ESRRG: variants seen among roughly 807,000 people sequenced by gnomAD.
ESRRG encodes the protein estrogen-related receptor gamma.
A neutral mutation model predicts 44.0 loss-of-function variants in ESRRG; 13 were observed. The observed-to-expected ratio is 0.30, with a 90% CI of 0.19 to 0.47. The LOEUF (loss-of-function observed/expected upper bound fraction) is 0.47. Among genes scored for constraint, ESRRG ranks in the 20% least tolerant of loss-of-function variants. The pLI, the probability that ESRRG is intolerant of heterozygous loss-of-function variation, is 1.00. For synonymous variants in ESRRG, 215 were observed against 214.6 expected (o/e 1.00, Z -0.02); for missense variants, 395 against 580.6 (o/e 0.68, Z 3.29).
intron 2 of ESRRG, among the ~76,000 whole-genome samples, chr1:216,923,654 C>T (rs1448839659): frequency 1.3e-5 from 2 of 152,150 alleles, no homozygotes; most frequent in Non-Finnish European, 2.9e-5. Flanking sequence ...GAAACAGTGG[C>T]AGCAGGTTTT....
chr1:216,583,308 C>T (rs2063154397), intron 3 of ESRRG, among the ~76,000 whole-genome samples: 1 of 152,186 alleles, frequency 6.6e-6, no homozygotes, highest in African/African-American at 2.4e-5. Context: ...ATGTGTACAC[C>T]TACTGAAGTC....
At chr1:216,670,105 G>T (rs1055747478) in intron 2 of ESRRG, among the ~76,000 whole-genome samples, 1 of 152,244 alleles carries the variant, frequency 6.6e-6, no homozygotes, top group African/African-American at 2.4e-5. Context: ...ATTTTCTCTA[G>T]ACACTATTTG....
At chr1:216,820,512 T>C (rs913787874) in intron 2 of ESRRG, among the ~76,000 whole-genome samples, 5 of 151,186 alleles carry the variant, frequency 3.3e-5, no homozygotes, top group Admixed American at 1.3e-4. Flanking sequence ...TGATATCATC[T>C]TTTTTTTTCA....
chr1:216,865,099 G>A (rs2096125632), intron 2 of ESRRG: 1 of 141,356 alleles, frequency 7.1e-6, no homozygotes, highest in South Asian at 2.3e-4. Context: ...TTTCATGAAT[G>A]AAGAAAAGAA....
chr1:216,558,601 C>T (rs948566543), intron 5 of ESRRG, among the ~76,000 whole-genome samples: 1 of 151,950 alleles, frequency 6.6e-6, no homozygotes, highest in African/African-American at 2.4e-5. Flanking sequence ...TTAGATCATG[C>T]TTTATAATTT....
intron 2 of ESRRG, among the ~76,000 whole-genome samples, chr1:216,907,871 T>G (rs1025767786): frequency 3.3e-5 from 5 of 152,212 alleles, no homozygotes; most frequent in Non-Finnish European, 5.9e-5. Flanking sequence ...TCACCCTTTC[T>G]GAGTCCCCTG....
At chr1:216,823,730 A>G (rs1387708726) in intron 2 of ESRRG, among the ~76,000 whole-genome samples, 1 of 152,132 alleles carries the variant, frequency 6.6e-6, no homozygotes, top group African/African-American at 2.4e-5. Flanking sequence ...AGAGCCACCC[A>G]TTTCTGATAG....
chr1:217,065,816 G>A (rs549318269), intron 1 of ESRRG, among the ~76,000 whole-genome samples: 5 of 152,270 alleles, frequency 3.3e-5, no homozygotes, highest in East Asian at 1.9e-4. Context: ...GGCAGTCCTC[G>A]TTTCCCAGAG....
At chr1:216,585,130 TA>T (rs575797801) in intron 3 of ESRRG, among the ~76,000 whole-genome samples, 18 of 151,766 alleles carry the variant, frequency 1.2e-4, no homozygotes, top group South Asian at 6.3e-4. Flanking sequence ...GTAGAAAGGT[TA>T]AAAAAAAATC....
chr1:216,940,164 G>C (rs2064986592), intron 1 of ESRRG, among the ~76,000 whole-genome samples: 1 of 152,164 alleles, frequency 6.6e-6, no homozygotes, highest in Non-Finnish European at 1.5e-5. Context: ...AAACACAAGA[G>C]AGCGAGTAGA....
intron 1 of ESRRG, among the ~76,000 whole-genome samples, chr1:216,703,667 GTGTGTGTGTGTGTGTGTATGTT>G (rs1362399986): frequency 5.1e-5 from 2 of 39,250 alleles, no homozygotes; most frequent in Non-Finnish European, 8.9e-5. Flanking sequence ...AGATGTGTGT[GTGTGTGTGTGTGTGTGTATGTT>G]TGTGTGTGTA....
chr1:216,538,186 T>A (rs1263734094), intron 5 of ESRRG, among the ~76,000 whole-genome samples: 1 of 152,110 alleles, frequency 6.6e-6, no homozygotes, highest in East Asian at 1.9e-4. Context: ...ATCTCTTCTA[T>A]GATATCAAAA....
chr1:217,123,941 C>T (rs1364610860), intron 1 of ESRRG, among the ~76,000 whole-genome samples: 3 of 152,248 alleles, frequency 2.0e-5, no homozygotes, highest in African/African-American at 4.8e-5. Flanking sequence ...TAAAAATACC[C>T]ATTTTAAAAG....
intron 3 of ESRRG, among the ~76,000 whole-genome samples, chr1:216,582,092 G>T (rs2062886456): frequency 6.6e-6 from 1 of 152,168 alleles, no homozygotes; most frequent in Admixed American, 6.5e-5. Context: ...TATTTAAGTT[G>T]TTCTATAGGC....
At chr1:216,752,052 C>T (rs1301555627) in intron 2 of ESRRG, among the ~76,000 whole-genome samples, 3 of 152,096 alleles carry the variant, frequency 2.0e-5, no homozygotes, top group Non-Finnish European at 2.9e-5. Flanking sequence ...TCCTTAGCCA[C>T]AGCACTGAAA....
intron 5 of ESRRG, among the ~76,000 whole-genome samples, chr1:216,557,672 TG>T (rs1401942137): frequency 6.6e-6 from 1 of 151,930 alleles, no homozygotes; most frequent in Non-Finnish European, 1.5e-5. Context: ...CTTAATCCCA[TG>T]AAAAAAAATA....
chr1:217,127,765 T>C (rs2092911000), intron 1 of ESRRG, among the ~76,000 whole-genome samples: 1 of 152,208 alleles, frequency 6.6e-6, no homozygotes, highest in Non-Finnish European at 1.5e-5. Context: ...TGTGGAACTG[T>C]TTCAGTTAAT....
intron 3 of ESRRG, among the ~76,000 whole-genome samples, chr1:216,612,224 G>A (rs2060774381): frequency 6.6e-6 from 1 of 152,132 alleles, no homozygotes; most frequent in Admixed American, 6.5e-5. Context: ...GAACCTACTA[G>A]GCTTAGTAAC....
intron 1 of ESRRG, among the ~76,000 whole-genome samples, chr1:217,114,745 C>T (rs1027896592): frequency 6.6e-6 from 1 of 150,852 alleles, no homozygotes; most frequent in Admixed American, 6.6e-5. Flanking sequence ...CAATCTCTGC[C>T]CCCTGGGTTC....
Sources: allele counts gnomAD v4.1 joint callset (sites outside exome capture counted in the v4.1 genomes callset), GRCh38; gene constraint gnomAD v4.1.1; transcripts MANE v1.5; gene names NCBI Gene and HGNC (gene_info 2026-07-23, HGNC 2026-07-21).